The following TRIP6 variants were observed in gnomAD, a reference collection of about 807,000 sequenced individuals.
TRIP6 encodes thyroid receptor-interacting protein 6.
In TRIP6, 33 loss-of-function variants were observed where a neutral mutation model predicts 51.9. That is an observed-to-expected ratio of 0.64 (90% CI 0.48 to 0.85). TRIP6 has a LOEUF of 0.85. Among genes scored for constraint, TRIP6 ranks in the 40% least tolerant of loss-of-function variants. The pLI is 0.00. For synonymous variants in TRIP6, 255 were observed against 275.8 expected (o/e 0.92, Z 0.75); for missense variants, 661 against 652.1 (o/e 1.01, Z -0.15).
intron 6 of TRIP6, chr7:100,870,956 G>A (rs1815256198): frequency 1.4e-6 from 1 of 706,956 alleles, no homozygotes; most frequent in African/African-American, 1.8e-5. Context: ...TACAAGTGTG[G>A]AGCATCTTAC....
rs1328602146 is a variant in TRIP6 at position 100,868,664 on chromosome 7, T to G, written c.533T>G (p.Val178Gly). The part of the protein sequence containing the change: ...FPVQVKVAQP[V>G]RGCGPPRRGA... ...GTGCAAGTGAAGGTGGCACAGCCAG[T>G]GAGGGGCTGCGGCCCACCCAGGCGG... The change falls in exon 4 of 9, where the codon GTG becomes GGG. Residue 178 changes from valine (V) to glycine (G), a missense_variant. By Grantham distance (109) the Val-to-Gly change is moderately radical. Coordinates refer to ENST00000200457, the MANE Select transcript of TRIP6 (RefSeq NM_003302.3). 1 of 1,608,448 alleles carries G rather than the reference T, an allele frequency of 6.2e-7. No individual in the cohort carries two copies. Among genetic ancestry groups the G allele is most frequent in the Admixed American group, 1.7e-5 (1 of 59,654 alleles).
rs34239953 is a variant in TRIP6, at chr7:100,872,181, GTT to G, written c.1179-421_1179-420del. Among the ~76,000 whole-genome samples, 241 of 95,580 alleles carry G rather than the reference GTT, an allele frequency of 2.5e-3. 1 individual carries two copies. The highest frequency in any genetic ancestry group is 3.7e-3 in the African/African-American group (88 of 23,950). The allele number at this position is 95,580 out of a possible 152,430, so 62.7% of individuals were successfully genotyped here. On this transcript the variant is annotated intron_variant, in intron 7 of 8. Transcript: ENST00000200457. ...GGGCGCATGCCACCACGCCTGGCTA[GTT>G]TTTTTTTTTTTTTTTTTTTTTGTAT...
In TRIP6 at chr7:100,867,410, T is replaced by G; in HGVS notation, c.-88T>G. 1 of 996,028 alleles carries G rather than the reference T, an allele frequency of 1.0e-6. No individual in the cohort carries two copies. Among genetic ancestry groups the G allele is most frequent in the South Asian group, 2.0e-5 (1 of 49,366 alleles). The allele number at this position is 996,028 out of a possible 1,614,324, so 61.7% of individuals were successfully genotyped here. On this transcript the variant is annotated 5_prime_UTR_variant, in exon 1 of 9. Coordinates refer to ENST00000200457, the MANE Select transcript of TRIP6 (RefSeq NM_003302.3). The surrounding 1 kb of genome is among the most constrained non-coding windows in gnomAD (Gnocchi z 5.4). ...CCAGAAAAAGTTTTCTTTTCTGGAG[T>G]CCCAAACGAGGTGCGGGACGGAAGA...
chr7:100,867,770 AGGTAACGAGAGGCGGAGAG>A lies in TRIP6; in HGVS notation c.110-87_110-69del. The A allele has an allele frequency of 6.6e-7, 1 of 1,508,224 alleles. No individual in the cohort carries two copies. The highest frequency in any genetic ancestry group is 1.3e-5 in the South Asian group (1 of 74,716). 93.4% of individuals were successfully genotyped at this position (1,508,224 alleles called of 1,614,324 possible). A position where few individuals can be genotyped will look rare whatever the true frequency, so the allele number is the denominator to read the frequency against. ...CTTGGGACCCTAGATTTGGGGGAGG[AGGTAACGAGAGGCGGAGAG>A]GGTGGCTCCTCAAATATACACCCCT... is the stretch of plus-strand genomic sequence containing the variant. On this transcript the variant is annotated intron_variant, in intron 1 of 8. Transcript: ENST00000200457. This position sits in a 1 kb window ranked among gnomAD's most constrained non-coding sequence, Gnocchi z 5.4.
intron 7 of TRIP6, among the ~76,000 whole-genome samples, chr7:100,872,013 G>GA (rs1815283907): frequency 8.7e-6 from 1 of 115,242 alleles, no homozygotes; most frequent in Non-Finnish European, 1.8e-5. Flanking sequence ...AGTTTTCTTC[G>GA]TTTTTTTTTT....
rs1390243410 is a variant in TRIP6 at position 100,868,823 on chromosome 7, C to G, written c.692C>G (p.Ser231Cys). ...GCCAAAGAGGAAGCTGCTGGGGTCT[C>G]TGGCCCTGCAGGAAGAGGAAGAGGA... ...PGAKEEAAGVSGPAGRGRGGE... is the reference protein window; with the variant it reads ...PGAKEEAAGVCGPAGRGRGGE... The change falls in exon 4 of 9, where the codon TCT (serine) becomes TGT (cysteine). Residue 231 changes from serine to cysteine, a missense_variant. By Grantham distance (112) the Ser-to-Cys change is moderately radical. Transcript: ENST00000200457. The G allele has an allele frequency of 6.6e-7, 1 of 1,519,738 alleles. No homozygotes were observed. Among genetic ancestry groups the G allele is most frequent in the East Asian group, 2.3e-5 (1 of 43,294 alleles). The allele number at this position is 1,519,738 out of a possible 1,614,324, so 94.1% of individuals were successfully genotyped here.
rs769952091 is a variant in TRIP6, at chr7:100,868,236, G to T, written c.363+3G>T. 1 of 1,606,634 alleles carries T rather than the reference G, an allele frequency of 6.2e-7. No individual in the cohort carries two copies. The highest frequency in any genetic ancestry group is 1.7e-5 in the Admixed American group (1 of 59,162). On this transcript the variant is annotated splice_donor_region_variant and intron_variant, in intron 3 of 8. Coordinates refer to ENST00000200457, the MANE Select transcript of TRIP6 (RefSeq NM_003302.3). ...CGTCACGGCGACCAGACCGACAGGT[G>T]ACTCTGCCCCTCCTCCCCGTCAGCA... is the stretch of plus-strand genomic sequence containing the variant.
At chr7:100,868,918 C>T in intron 4 of TRIP6, 52 bp downstream of exon 4, 1 of 1,444,860 alleles carries the variant, frequency 6.9e-7, no homozygotes, top group Non-Finnish European at 9.1e-7. Context: ...GGGACACCGA[C>T]TGGGTGGGGT....
At chr7:100,872,013 G>GTTTTT (rs71517130) in intron 7 of TRIP6, among the ~76,000 whole-genome samples, 2 of 115,238 alleles carry the variant, frequency 1.7e-5, no homozygotes, top group Non-Finnish European at 1.8e-5. Context: ...AGTTTTCTTC[G>GTTTTT]TTTTTTTTTT....
chr7:100,870,590 C>A lies in TRIP6; in HGVS notation c.846C>A (p.Cys282Ter). The change falls in exon 6 of 9, where the codon TGC becomes TGA. Residue 282 changes from cysteine to a stop codon, truncating the protein, a stop_gained. Coordinates refer to ENST00000200457, the MANE Select transcript of TRIP6 (RefSeq NM_003302.3). LOFTEE classifies it high-confidence loss of function. ...SGEYFGQCGG[C>*]GEDVVGDGAG... ...TGTCCTCAGGCCAGTGTGGTGGCTG[C>A]GGAGAAGATGTGGTTGGGGATGGGG... 1 of 1,613,840 alleles carries A rather than the reference C, an allele frequency of 6.2e-7. No homozygotes were observed. Among genetic ancestry groups the A allele is most frequent in the Non-Finnish European group, 8.5e-7 (1 of 1,179,828 alleles).
chr7:100,871,453 C>A (rs1584719615), intron 6 of TRIP6, 90 bp from the exon 7 acceptor site: 1 of 1,409,978 alleles, frequency 7.1e-7, no homozygotes, highest in Non-Finnish European at 9.8e-7. Flanking sequence ...CAGGAGGCTG[C>A]AGAAATTAGA....
chr7:100,872,741 C>G lies in TRIP6; in HGVS notation c.1296C>G (p.Cys432Trp). 1 of 1,613,734 alleles carries G rather than the reference C, an allele frequency of 6.2e-7. No individual in the cohort carries two copies. Reference sequence around the variant, plus strand: ...GTTTTCACATTGGCTGTTACAAGTGCGAGGTCAGGGGCCCCCAGCACGTGC... The same window carrying G: ...GTTTTCACATTGGCTGTTACAAGTGGGAGGTCAGGGGCCCCCAGCACGTGC... ...DRSFHIGCYK[C>W]EECGLLLSSE... Residue 432 changes from cysteine (C) to tryptophan (W), a missense_variant, in exon 8 of 9, where the codon TGC (cysteine) becomes TGG (tryptophan). Transcript: ENST00000200457.
chr7:100,870,336 T>C (rs760914185), intron 4 of TRIP6, 34 bp from the exon 5 acceptor site: 1 of 1,496,358 alleles, frequency 6.7e-7, no homozygotes, highest in Non-Finnish European at 8.9e-7. Flanking sequence ...CATCAGGAGC[T>C]AGAGTAGGAC....
intron 3 of TRIP6, 102 bp downstream of exon 3, chr7:100,868,335 G>C (rs2115615937): frequency 6.4e-7 from 1 of 1,567,866 alleles, no homozygotes; most frequent in South Asian, 1.2e-5. Flanking sequence ...CCCCAGCATG[G>C]AGGAAGCGTG....
chr7:100,869,240 G>A (rs1374536029), intron 4 of TRIP6, among the ~76,000 whole-genome samples: 2 of 151,708 alleles, frequency 1.3e-5, no homozygotes, highest in Admixed American at 1.3e-4. Context: ...TTGCAGGCCT[G>A]AGCCACCGCG....
chr7:100,872,312 C>G (rs372198493), intron 7 of TRIP6, among the ~76,000 whole-genome samples: 3 of 151,138 alleles, frequency 2.0e-5, no homozygotes, highest in African/African-American at 7.3e-5. Context: ...GGATAGCAGG[C>G]GTAAGCCACT....
chr7:100,867,874 C>A lies in TRIP6; in HGVS notation c.123C>A (p.His41Gln), dbSNP rs752839269. The A allele has an allele frequency of 6.5e-7, 1 of 1,533,960 alleles. No individual in the cohort carries two copies. The highest frequency in any genetic ancestry group is 8.7e-7 in the Non-Finnish European group (1 of 1,149,464). The change falls in exon 2 of 9, where the codon CAC (histidine) becomes CAA (glutamine). Residue 41 changes from histidine (H) to glutamine (Q), a missense_variant. Transcript: ENST00000200457. The surrounding 1 kb of genome is among the most constrained non-coding windows in gnomAD (Gnocchi z 5.4). ...PPAHGAALQP[H>Q]PRVNFCPLPS... ...CCCTCAACCCAGCACTCCAGCCCCA[C>A]CCCAGGGTCAATTTTTGCCCCCTTC... is the stretch of plus-strand genomic sequence containing the variant.
At position 100,870,756 on chromosome 7, in the gene TRIP6, G is replaced by A; in HGVS notation, c.999+13G>A. On this transcript the variant is annotated intron_variant, in intron 6 of 8. Coordinates refer to ENST00000200457, the MANE Select transcript of TRIP6 (RefSeq NM_003302.3). Reference sequence around the variant, plus strand: ...GGGCTGCTACGTGGTGAGTGGCTGGGGCTGGGAGGAGGGAGTCAGTGGCTG... The same window carrying A: ...GGGCTGCTACGTGGTGAGTGGCTGGAGCTGGGAGGAGGGAGTCAGTGGCTG... 6.2e-7 allele frequency: 1 copy of A among 1,605,044 alleles called. No individual in the cohort carries two copies. Among genetic ancestry groups the A allele is most frequent in the Non-Finnish European group, 8.5e-7 (1 of 1,173,442 alleles).
Position 100,867,952 on chromosome 7 carries a change from G to A in TRIP6, c.201G>A (p.Ala67=), listed in dbSNP as rs1584717160. The part of the protein sequence containing the change: ...APGGPEDRGP[A]WVGSHGVLQH... ...GGGGACCGGAGGATCGGGGGCCGGC[G>A]TGGGTGGGGTCCCATGGAGTACTCC... Residue 67 remains alanine, a synonymous_variant, in exon 2 of 9, where the codon GCG becomes GCA. Transcript: ENST00000200457. The surrounding 1 kb of genome is among the most constrained non-coding windows in gnomAD (Gnocchi z 5.4). The A allele has an allele frequency of 6.6e-6, 10 of 1,514,098 alleles. No homozygotes were observed. Among genetic ancestry groups the A allele is most frequent in the Non-Finnish European group, 7.9e-6 (9 of 1,135,366 alleles). The allele number at this position is 1,514,098 out of a possible 1,614,324, so 93.8% of individuals were successfully genotyped here.
Sources: allele counts gnomAD v4.1 joint callset (sites outside exome capture counted in the v4.1 genomes callset), GRCh38; gene constraint gnomAD v4.1.1; non-coding constraint Gnocchi (gnomAD v3.1); transcripts MANE v1.5; gene names NCBI Gene and HGNC (gene_info 2026-07-23, HGNC 2026-07-21).